Variants in ACOXL observed in about 807,000 individuals in gnomAD.
ACOXL encodes the protein acyl-CoA oxidase like.
A neutral mutation model predicts 71.9 loss-of-function variants in ACOXL; 70 were observed. That is an observed-to-expected ratio of 0.97 (90% CI 0.80 to 1.19). The LOEUF is 1.19. Ranked by LOEUF, ACOXL falls within the 50% of genes most tolerant of loss-of-function variation. The pLI is 0.00. For missense variants in ACOXL, 703 were observed against 736.3 expected (o/e 0.95, Z 0.52); for synonymous variants, 253 against 281.6 (o/e 0.90, Z 1.02).
intron 9 of ACOXL, among the ~76,000 whole-genome samples, chr2:110,838,845 C>T (rs1314355128): frequency 5.3e-5 from 8 of 152,180 alleles, no homozygotes; most frequent in Non-Finnish European, 1.2e-4. Context: ...GGAGGCTTTC[C>T]CCCCTCCCCA....
intron 2 of ACOXL, among the ~76,000 whole-genome samples, chr2:110,770,219 C>T (rs1681720906): frequency 6.6e-6 from 1 of 152,160 alleles, no homozygotes. Context: ...AGTCTGAGGA[C>T]TGAGGGATGG....
intron 11 of ACOXL, among the ~76,000 whole-genome samples, chr2:110,916,434 A>T (rs1215262187): frequency 3.3e-5 from 5 of 152,178 alleles, no homozygotes; most frequent in African/African-American, 7.2e-5. Flanking sequence ...AATTTATAGC[A>T]CTAAATGCCC....
chr2:110,960,101 G>A (rs4849298), intron 12 of ACOXL, among the ~76,000 whole-genome samples: 35,548 of 152,066 alleles, frequency 0.23, 4,753 homozygotes, highest in Non-Finnish European at 0.3. Context: ...AACTTCTTCA[G>A]ACCTGAGATG....
At chr2:110,931,144 T>C (rs2060466243) in intron 11 of ACOXL, among the ~76,000 whole-genome samples, 1 of 152,216 alleles carries the variant, frequency 6.6e-6, no homozygotes, top group African/African-American at 2.4e-5. Flanking sequence ...TCTTAAGACA[T>C]ACTCCTCCTG....
At chr2:111,077,766 A>G (rs2149958513) in intron 16 of ACOXL, among the ~76,000 whole-genome samples, 1 of 152,342 alleles carries the variant, frequency 6.6e-6, no homozygotes, top group Admixed American at 6.5e-5. Context: ...GTTTCTGATG[A>G]GAAATTCAAT....
chr2:111,088,552 G>C (rs1404073193), intron 16 of ACOXL, among the ~76,000 whole-genome samples: 1 of 152,182 alleles, frequency 6.6e-6, no homozygotes, highest in Non-Finnish European at 1.5e-5. Flanking sequence ...AGTACTGCTT[G>C]TTCTCACTTT....
chr2:111,107,278 T>C (rs2069609450), intron 17 of ACOXL, among the ~76,000 whole-genome samples: 1 of 152,246 alleles, frequency 6.6e-6, no homozygotes, highest in South Asian at 2.1e-4. Flanking sequence ...TGCAAGGAAT[T>C]CACCACTGTG....
chr2:111,066,007 C>G (rs2067054113), intron 16 of ACOXL, among the ~76,000 whole-genome samples: 2 of 152,092 alleles, frequency 1.3e-5, no homozygotes, highest in Non-Finnish European at 2.9e-5. Flanking sequence ...CCATACAGCC[C>G]AGAAATTACA....
In ACOXL at chr2:110,898,695, G is replaced by T. The variant is rs75723171; in HGVS notation, c.789-10094G>T. 2.0e-3 allele frequency among the ~76,000 whole-genome samples: 303 copies of T among 152,322 alleles called. 2 individuals carry two copies. The highest frequency in any genetic ancestry group is 7.1e-3 in the African/African-American group (297 of 41,570). On this transcript the variant is annotated intron_variant, in intron 10 of 17. Transcript: ENST00000439055. ...AATCAGGAGTAAGGCAACGATGTCT[G>T]CTCTTGCTACTGCTATTCAGTGTAG...
At chr2:111,072,708 C>G (rs78300913) in intron 16 of ACOXL, among the ~76,000 whole-genome samples, 8,835 of 152,250 alleles carry the variant, frequency 0.058, 445 homozygotes, top group African/African-American at 0.13. Flanking sequence ...ATCCCTGGCC[C>G]CTACTGATGC....
chr2:110,746,087 T>G (rs941554790), intron 1 of ACOXL, among the ~76,000 whole-genome samples: 1 of 152,194 alleles, frequency 6.6e-6, no homozygotes, highest in Non-Finnish European at 1.5e-5. Flanking sequence ...TTATACTCTG[T>G]TCTCACTCTA....
intron 16 of ACOXL, among the ~76,000 whole-genome samples, chr2:111,060,901 A>T (rs1392648840): frequency 6.6e-6 from 1 of 152,234 alleles, no homozygotes; most frequent in Non-Finnish European, 1.5e-5. Context: ...GATGGGCTCA[A>T]CAGCAGAATG....
intron 9 of ACOXL, among the ~76,000 whole-genome samples, chr2:110,816,273 T>C (rs1687910543): frequency 6.6e-6 from 1 of 151,968 alleles, no homozygotes; most frequent in Admixed American, 6.6e-5. Context: ...TGTGGGTGGA[T>C]GGATAGAGAG....
chr2:110,837,459 G>A, intron 9 of ACOXL, among the ~76,000 whole-genome samples: 1 of 152,194 alleles, frequency 6.6e-6, no homozygotes, highest in Admixed American at 6.5e-5. Flanking sequence ...TTTAAAAAAT[G>A]TGTTTTTAAA....
At chr2:110,910,451 T>C (rs530732586) in intron 11 of ACOXL, among the ~76,000 whole-genome samples, 1 of 152,236 alleles carries the variant, frequency 6.6e-6, no homozygotes, top group Non-Finnish European at 1.5e-5. Flanking sequence ...AAGTGTTTCA[T>C]TTTTCTTAGA....
chr2:110,755,315 C>T (rs1679524035), intron 1 of ACOXL, among the ~76,000 whole-genome samples: 1 of 152,082 alleles, frequency 6.6e-6, no homozygotes, highest in African/African-American at 2.4e-5. Context: ...GCCTAATCTC[C>T]ATATCTTAGA....
chr2:111,041,448 C>T (rs907818495), intron 15 of ACOXL, among the ~76,000 whole-genome samples: 2 of 152,162 alleles, frequency 1.3e-5, no homozygotes, highest in Non-Finnish European at 2.9e-5. Flanking sequence ...GTGATGGCCT[C>T]CAGCTGAGCG....
chr2:111,028,080 C>T (rs1321365219), intron 14 of ACOXL, among the ~76,000 whole-genome samples: 1 of 147,572 alleles, frequency 6.8e-6, no homozygotes, highest in East Asian at 2.2e-4. Flanking sequence ...CCCGGCTACC[C>T]AGAAGGCTGA....
chr2:111,076,148 T>C (rs2067589184), intron 16 of ACOXL, among the ~76,000 whole-genome samples: 1 of 152,222 alleles, frequency 6.6e-6, no homozygotes, highest in African/African-American at 2.4e-5. Context: ...CAGCATTCTG[T>C]CTATCGACTG....
Sources: gnomAD v4.1 joint callset for allele counts (sites outside exome capture counted in the v4.1 genomes callset) on GRCh38, gnomAD v4.1.1 for gene constraint, MANE v1.5 for transcripts, NCBI Gene and HGNC (gene_info 2026-07-23, HGNC 2026-07-21) for gene names.